MEOX2: variants seen among roughly 807,000 people sequenced by gnomAD.
The protein encoded by MEOX2 is homeobox protein MOX-2.
Under a neutral mutation model 27.0 loss-of-function variants are expected in MEOX2, and 11 were observed. The observed-to-expected ratio is 0.41, with a 90% CI of 0.26 to 0.68. The LOEUF (loss-of-function observed/expected upper bound fraction) is 0.68, where lower values mean the gene tolerates loss of function less well. Ranked by LOEUF, MEOX2 falls within the 30% of genes least tolerant of loss-of-function variation. The pLI, the probability that MEOX2 is intolerant of heterozygous loss-of-function variation, is 0.33. For missense variants in MEOX2, 436 were observed against 385.4 expected (o/e 1.13, Z -1.10); for synonymous variants, 189 against 155.4 (o/e 1.22, Z -1.61).
rs773744356 is a variant in MEOX2, at chr7:15,686,268, G to T, written c.135C>A (p.Ser45=). 2 of 1,613,030 alleles carry T rather than the reference G, an allele frequency of 1.2e-6. No individual in the cohort carries two copies. Among genetic ancestry groups the T allele is most frequent in the East Asian group, 2.2e-5 (1 of 44,810 alleles). The change falls in exon 1 of 3, where the codon TCC becomes TCA. Residue 45 remains serine (S), a synonymous_variant. Transcript: ENST00000262041. ...HMSYPELSTS[S]SSCIIAGYPN... ...GGTATCCCGCGATTATGCAAGATGA[G>T]GAAGAAGTAGAGAGCTCGGGGTAAG...
At chr7:15,676,732 CCTGTAGTCCCAGCTA>C (rs1324744019) in intron 1 of MEOX2, among the ~76,000 whole-genome samples, 1 of 151,842 alleles carries the variant, frequency 6.6e-6, no homozygotes, top group African/African-American at 2.4e-5. Flanking sequence ...TTAGCGGGCG[CCTGTAGTCCCAGCTA>C]CTCAGGAGGC....
In MEOX2 at chr7:15,686,651, G is replaced by T; in HGVS notation, c.-249C>A. On this transcript the variant is annotated 5_prime_UTR_variant, in exon 1 of 3. Transcript: ENST00000262041. ...GATGTCAAGAGTGGGAGAGGTTGAA[G>T]CCAAAAGAAGGTGGTCCCAGAGAAC... The T allele has an allele frequency of 1.9e-6, 1 of 516,088 alleles. No individual in the cohort carries two copies. The highest frequency in any genetic ancestry group is 3.4e-6 in the Non-Finnish European group (1 of 293,344). 32.0% of individuals were successfully genotyped at this position (516,088 alleles called of 1,614,324 possible).
At chr7:15,651,644 C>A (rs370847057) in intron 1 of MEOX2, among the ~76,000 whole-genome samples, 1 of 151,858 alleles carries the variant, frequency 6.6e-6, no homozygotes, top group East Asian at 1.9e-4. Flanking sequence ...CCAGCAAAGG[C>A]GGGGATTTAA....
At chr7:15,643,842 G>A (rs962980692) in intron 1 of MEOX2, among the ~76,000 whole-genome samples, 5 of 152,294 alleles carry the variant, frequency 3.3e-5, no homozygotes, top group South Asian at 2.1e-4. Flanking sequence ...CAGTGTGCTT[G>A]TGTCCTGGGG....
chr7:15,629,858 G>T (rs1781374361), intron 1 of MEOX2, among the ~76,000 whole-genome samples: 1 of 151,988 alleles, frequency 6.6e-6, no homozygotes, highest in African/African-American at 2.4e-5. Context: ...TTCTTTGGTA[G>T]AAAATGGATG....
At chr7:15,669,045 A>G (rs1168176157) in intron 1 of MEOX2, among the ~76,000 whole-genome samples, 1 of 152,248 alleles carries the variant, frequency 6.6e-6, no homozygotes, top group Non-Finnish European at 1.5e-5. Flanking sequence ...AGTCAGATTT[A>G]TTAATCTAAA....
intron 1 of MEOX2, among the ~76,000 whole-genome samples, chr7:15,656,632 T>C (rs1298143247): frequency 6.6e-6 from 1 of 151,908 alleles, no homozygotes; most frequent in Non-Finnish European, 1.5e-5. Context: ...ACCTCCCCTA[T>C]TTATAAAACC....
intron 1 of MEOX2, among the ~76,000 whole-genome samples, chr7:15,643,834 G>A (rs1267458827): frequency 2.0e-5 from 3 of 152,214 alleles, no homozygotes; most frequent in East Asian, 1.9e-4. Flanking sequence ...CCCCTATGCA[G>A]TGTGCTTGTG....
At chr7:15,671,984 G>A (rs559998005) in intron 1 of MEOX2, among the ~76,000 whole-genome samples, 21 of 151,772 alleles carry the variant, frequency 1.4e-4, no homozygotes, top group African/African-American at 4.6e-4. Context: ...TCCCAGCTGC[G>A]TGGGTGGCTG....
In MEOX2 at chr7:15,625,646, G is replaced by T. The variant is rs572730073; in HGVS notation, c.690+1100C>A. Among the ~76,000 whole-genome samples the T allele has an allele frequency of 9.9e-5, 15 of 152,270 alleles. 1 individual carries two copies. Among genetic ancestry groups the T allele is most frequent in the African/African-American group, 2.6e-4 (11 of 41,572 alleles). On this transcript the variant is annotated intron_variant, in intron 2 of 2. Coordinates refer to ENST00000262041, the MANE Select transcript of MEOX2 (RefSeq NM_005924.5). ...AGGTACACACAGTGAAAGAGGAAAT[G>T]AGACTCTAGCCCTAAGAGTGCCAAT...
intron 1 of MEOX2, among the ~76,000 whole-genome samples, chr7:15,655,454 C>T (rs76011638): frequency 0.025 from 3,858 of 151,454 alleles, 162 homozygotes; most frequent in African/African-American, 0.088. Flanking sequence ...TTTGTCTAGA[C>T]GAGAGATTAG....
chr7:15,668,585 G>C (rs998226529), intron 1 of MEOX2, among the ~76,000 whole-genome samples: 2 of 152,014 alleles, frequency 1.3e-5, no homozygotes, highest in Non-Finnish European at 2.9e-5. Context: ...GGGTTCAAGC[G>C]ATTCTCCTGC....
chr7:15,667,003 G>A lies in MEOX2; in HGVS notation c.517+18883C>T, dbSNP rs1583783077. 1.3e-5 allele frequency among the ~76,000 whole-genome samples: 2 copies of A among 149,678 alleles called. 1 individual carries two copies. Among genetic ancestry groups the A allele is most frequent in the African/African-American group, 4.9e-5 (2 of 40,756 alleles). On this transcript the variant is annotated intron_variant, in intron 1 of 2. Transcript: ENST00000262041. ...TGTACTCATCAGCTTTTAGAAGTAG[G>A]AAATAAGGCTGGGTGCAGTGGCTCA...
At position 15,686,341 on chromosome 7, in the gene MEOX2, G is replaced by T; in HGVS notation, c.62C>A (p.Pro21Gln). 1 of 1,600,266 alleles carries T rather than the reference G, an allele frequency of 6.2e-7. No homozygotes were observed. The highest frequency in any genetic ancestry group is 8.5e-7 in the Non-Finnish European group (1 of 1,172,884). The change falls in exon 1 of 3, where the codon CCG becomes CAG. Residue 21 changes from proline to glutamine, a missense_variant. Transcript: ENST00000262041. ...SPHATAQGLH[P>Q]FSQSSLALHG... ...GAGGGCGAGAGAGGATTGGGAGAACGGGTGCAAGCCTTGCGCCGTGGCGTG... is the reference window on the plus strand; with the variant it reads ...GAGGGCGAGAGAGGATTGGGAGAACTGGTGCAAGCCTTGCGCCGTGGCGTG...
chr7:15,672,622 G>C (rs915798063), intron 1 of MEOX2, among the ~76,000 whole-genome samples: 1 of 152,090 alleles, frequency 6.6e-6, no homozygotes, highest in South Asian at 2.1e-4. Flanking sequence ...GCAGGTCGCG[G>C]TGGCTCACAC....
chr7:15,615,818 G>C lies in MEOX2; in HGVS notation c.691-3207C>G, dbSNP rs569785541. ...ATGATCATCATCATTGTCACCAAGA[G>C]CTGAAACATTCAGTCTAAATAATCC... On this transcript the variant is annotated intron_variant, in intron 2 of 2. Coordinates refer to ENST00000262041, the MANE Select transcript of MEOX2 (RefSeq NM_005924.5). Among the ~76,000 whole-genome samples, 6 of 152,112 alleles carry C rather than the reference G, an allele frequency of 3.9e-5. No individual in the cohort carries two copies. In the East Asian group the frequency reaches 9.6e-4, roughly 24 times the overall value.
chr7:15,631,088 AG>A (rs1424889750), intron 1 of MEOX2, among the ~76,000 whole-genome samples: 13 of 151,990 alleles, frequency 8.6e-5, no homozygotes, highest in Non-Finnish European at 1.5e-4. Context: ...AGAATAGGAT[AG>A]CCAGAAAACA....
At chr7:15,672,556 A>G (rs190678745) in intron 1 of MEOX2, among the ~76,000 whole-genome samples, 45 of 152,346 alleles carry the variant, frequency 3.0e-4, no homozygotes, top group African/African-American at 1.1e-3. Context: ...AATAATAGCA[A>G]ATATATCACA....
In MEOX2 at chr7:15,686,469, A is replaced by C; in HGVS notation, c.-67T>G. The stretch of plus-strand genomic sequence containing the variant: ...GTTCCAAAGGCCACCACCCTCTGTC[A>C]CTTTTTCACTGGAAACCGTGTGATT... On this transcript the variant is annotated 5_prime_UTR_variant, in exon 1 of 3. Coordinates refer to ENST00000262041, the MANE Select transcript of MEOX2 (RefSeq NM_005924.5). 7.3e-7 allele frequency: 1 copy of C among 1,374,116 alleles called. No homozygotes were observed. The highest frequency in any genetic ancestry group is 9.8e-7 in the Non-Finnish European group (1 of 1,021,732). The allele number at this position is 1,374,116 out of a possible 1,614,324, so 85.1% of individuals were successfully genotyped here. A position where few individuals can be genotyped will look rare whatever the true frequency, so the allele number is the denominator to read the frequency against.
Sources: allele counts gnomAD v4.1 joint callset (sites outside exome capture counted in the v4.1 genomes callset), GRCh38; gene constraint gnomAD v4.1.1; transcripts MANE v1.5; gene names NCBI Gene and HGNC (gene_info 2026-07-23, HGNC 2026-07-21).